KSR2: variants seen among roughly 807,000 people sequenced by gnomAD.
The protein encoded by KSR2 is kinase suppressor of ras 2.
A neutral mutation model predicts 107.8 loss-of-function variants in KSR2; 25 were observed. The ratio of observed to expected loss-of-function variants is 0.23; its 90% CI spans 0.17 to 0.32. The LOEUF (loss-of-function observed/expected upper bound fraction) is 0.32, where lower values mean the gene tolerates loss of function less well. KSR2 is among the 10% of genes least tolerant of loss of function. KSR2 has a pLI of 1.00. For synonymous variants in KSR2, 480 were observed against 507.0 expected (o/e 0.95, Z 0.71); for missense variants, 887 against 1,268.9 (o/e 0.70, Z 4.57).
chr12:117,878,918 A>G (rs1893949687), intron 1 of KSR2, among the ~76,000 whole-genome samples: 1 of 152,132 alleles, frequency 6.6e-6, no homozygotes, highest in Non-Finnish European at 1.5e-5. Flanking sequence ...TAAACAATCA[A>G]CATAGTGAAC....
intron 1 of KSR2, among the ~76,000 whole-genome samples, chr12:117,906,459 A>T (rs1470985868): frequency 6.6e-6 from 1 of 151,698 alleles, no homozygotes; most frequent in Non-Finnish European, 1.5e-5. Flanking sequence ...TACAAAAATT[A>T]GCTGGGCATG....
chr12:117,880,085 G>A (rs1893979056), intron 1 of KSR2, among the ~76,000 whole-genome samples: 1 of 152,104 alleles, frequency 6.6e-6, no homozygotes, highest in African/African-American at 2.4e-5. Flanking sequence ...GGCGGAGGTT[G>A]CGGTGAGCTG....
chr12:117,748,303 G>C (rs536084266), intron 4 of KSR2, among the ~76,000 whole-genome samples: 4 of 152,292 alleles, frequency 2.6e-5, no homozygotes, highest in African/African-American at 9.6e-5. Flanking sequence ...GGAGGCAGTG[G>C]AATGGGGAGA....
Position 117,812,532 on chromosome 12 carries a change from C to T in KSR2, c.472+42896G>A, listed in dbSNP as rs970495002. On this transcript the variant is annotated intron_variant, in intron 3 of 19. Transcript: ENST00000339824. ...TCTTCAGCTCCTCTTGAATTTATTA[C>T]AATGAATTTCAGATAGTAAATGGTC... Among the ~76,000 whole-genome samples the T allele has an allele frequency of 9.9e-5, 15 of 152,200 alleles. No homozygotes were observed. The East Asian group carries it at 2.1e-3, about 22-fold the overall frequency.
At chr12:117,710,658 T>G (rs963260639) in intron 4 of KSR2, among the ~76,000 whole-genome samples, 8 of 152,166 alleles carry the variant, frequency 5.3e-5, no homozygotes, top group Non-Finnish European at 1.2e-4. Flanking sequence ...CATCGGTGCC[T>G]TGAGAATAAT....
intron 4 of KSR2, among the ~76,000 whole-genome samples, chr12:117,693,117 G>C (rs559177191): frequency 2.2e-4 from 34 of 152,286 alleles, no homozygotes; most frequent in African/African-American, 7.7e-4. Flanking sequence ...GAGGCGGGAT[G>C]GTTGCCTAAG....
chr12:117,916,808 T>C (rs920943874), intron 1 of KSR2, among the ~76,000 whole-genome samples: 3 of 152,236 alleles, frequency 2.0e-5, no homozygotes, highest in Non-Finnish European at 4.4e-5. Flanking sequence ...CAACGCACCA[T>C]TTACTTTCAC....
chr12:117,688,923 C>A (rs1051397210), intron 4 of KSR2, among the ~76,000 whole-genome samples: 9 of 152,136 alleles, frequency 5.9e-5, no homozygotes, highest in Non-Finnish European at 1.5e-5. Context: ...TTCTCTCCTG[C>A]CTCCTTTTTC....
intron 14 of KSR2, among the ~76,000 whole-genome samples, chr12:117,493,340 A>G (rs147632148): frequency 6.0e-4 from 91 of 152,266 alleles, no homozygotes; most frequent in African/African-American, 2.2e-3. Context: ...ATGACTCCCC[A>G]GCACTCTCTG....
At chr12:117,547,768 C>T (rs904016209) in intron 9 of KSR2, among the ~76,000 whole-genome samples, 1 of 152,140 alleles carries the variant, frequency 6.6e-6, no homozygotes, top group African/African-American at 2.4e-5. Flanking sequence ...TTGCCAGCTT[C>T]TTCAGTTCTA....
chr12:117,795,668 G>A (rs377139501), intron 3 of KSR2, among the ~76,000 whole-genome samples: 13 of 152,156 alleles, frequency 8.5e-5, no homozygotes, highest in African/African-American at 2.9e-4. Flanking sequence ...TTGCTCTGTT[G>A]CCCAGGCTGG....
At chr12:117,696,906 C>T (rs1393350625) in intron 4 of KSR2, among the ~76,000 whole-genome samples, 5 of 152,230 alleles carry the variant, frequency 3.3e-5, no homozygotes, top group Admixed American at 6.5e-5. Context: ...TGAGACTGGA[C>T]GTGTTAAGCT....
rs551610832 is a variant in KSR2, at chr12:117,547,328, G to T, written c.1519-7441C>A. Reference sequence around the variant, plus strand: ...GCTGATACCACTCTTGCTGGGAGGGGTAAGAATGCCAAAAAGCAGGGAGCA... The same window carrying T: ...GCTGATACCACTCTTGCTGGGAGGGTTAAGAATGCCAAAAAGCAGGGAGCA... On this transcript the variant is annotated intron_variant, in intron 9 of 19. Coordinates refer to ENST00000339824, the MANE Select transcript of KSR2 (RefSeq NM_173598.6). Among the ~76,000 whole-genome samples the T allele has an allele frequency of 2.6e-4, 39 of 152,294 alleles. No homozygotes were observed. In the South Asian group the frequency reaches 8.1e-3, roughly 32 times the overall value.
At chr12:117,834,362 G>A (rs1361384648) in intron 3 of KSR2, among the ~76,000 whole-genome samples, 3 of 143,044 alleles carry the variant, frequency 2.1e-5, no homozygotes, top group African/African-American at 7.9e-5. Context: ...CCAGGGCACC[G>A]TATGTTACTG....
intron 5 of KSR2, among the ~76,000 whole-genome samples, chr12:117,660,681 T>C (rs1884397944): frequency 6.6e-6 from 1 of 152,226 alleles, no homozygotes; most frequent in African/African-American, 2.4e-5. Context: ...AGGCCGAATC[T>C]ACCTCATTAA....
intron 14 of KSR2, among the ~76,000 whole-genome samples, chr12:117,500,890 G>A (rs1332260832): frequency 2.0e-5 from 3 of 152,246 alleles, no homozygotes; most frequent in Admixed American, 6.5e-5. Context: ...GGCCTCGAGC[G>A]CTGGGCCACC....
chr12:117,944,284 G>A (rs1317809953), intron 1 of KSR2, among the ~76,000 whole-genome samples: 2 of 152,192 alleles, frequency 1.3e-5, no homozygotes, highest in Non-Finnish European at 2.9e-5. Context: ...GCTGAGGCAG[G>A]AGAATTGCTT....
rs1894898488 is a variant in KSR2 at position 117,907,690 on chromosome 12, C to T, written c.181-47259G>A. Among the ~76,000 whole-genome samples, 1 of 152,132 alleles carries T rather than the reference C, an allele frequency of 6.6e-6. No homozygotes were observed. The highest frequency in any genetic ancestry group is 2.1e-4 in the South Asian group (1 of 4,830). ...GTGAGTTAACCTTACACTATTTAGT[C>T]ATGAAATGCAAATGAAGAGAAATTA... On this transcript the variant is annotated intron_variant, in intron 1 of 19. Coordinates refer to ENST00000339824, the MANE Select transcript of KSR2 (RefSeq NM_173598.6). This position sits in a 1 kb window ranked among gnomAD's most constrained non-coding sequence, Gnocchi z 4.3.
Position 117,968,904 on chromosome 12 carries a change from G to A in KSR2, c.-649C>T. The A allele has an allele frequency of 3.9e-6, 1 of 255,994 alleles. No individual in the cohort carries two copies. The highest frequency in any genetic ancestry group is 3.5e-5 in the South Asian group (1 of 28,252). The allele number at this position is 255,994 out of a possible 1,614,324, so 15.9% of individuals were successfully genotyped here. A position where few individuals can be genotyped will look rare whatever the true frequency, so the allele number is the denominator to read the frequency against. ...GTCTCCTCCCCGCGCTGCTGCTGCT[G>A]CTGCTGCTGCCGCCGCCGGGCTCCG... On this transcript the variant is annotated 5_prime_UTR_variant, in exon 1 of 20. It introduces an in-frame stop codon into an upstream open reading frame of the 5' UTR. Coordinates refer to ENST00000339824, the MANE Select transcript of KSR2 (RefSeq NM_173598.6).
Sources: allele counts gnomAD v4.1 joint callset (sites outside exome capture counted in the v4.1 genomes callset), GRCh38; gene constraint gnomAD v4.1.1; non-coding constraint Gnocchi (gnomAD v3.1); transcripts MANE v1.5; gene names NCBI Gene and HGNC (gene_info 2026-07-23, HGNC 2026-07-21).